The following BMP2K variants were observed in gnomAD, a reference collection of about 807,000 sequenced individuals.
The protein encoded by BMP2K is BMP-2-inducible protein kinase.
Under a neutral mutation model 116.0 loss-of-function variants are expected in BMP2K, and 74 were observed. The observed-to-expected ratio is 0.64, with a 90% CI of 0.53 to 0.77. The LOEUF is 0.77. BMP2K is among the 30% of genes least tolerant of loss of function. The pLI is 0.00. For synonymous variants in BMP2K, 486 were observed against 502.5 expected, an observed-to-expected ratio of 0.97 and a Z score of 0.44; for missense variants, 1,365 against 1,403.6, an observed-to-expected ratio of 0.97 and a Z score of 0.44.
chr4:78,795,269 A>G (rs1728196722), intron 1 of BMP2K, among the ~76,000 whole-genome samples: 2 of 152,204 alleles, frequency 1.3e-5, no homozygotes, highest in African/African-American at 4.8e-5. Flanking sequence ...TTTCACAGAC[A>G]CTTATTAAAA....
chr4:78,842,553 T>C, intron 4 of BMP2K, 26 bp downstream of exon 4: 1 of 1,529,750 alleles, frequency 6.5e-7, no homozygotes, highest in Non-Finnish European at 8.9e-7. Flanking sequence ...TTCCTATGGA[T>C]TAAGTAATAA....
intron 3 of BMP2K, among the ~76,000 whole-genome samples, chr4:78,837,093 C>T (rs560682375): frequency 3.8e-4 from 58 of 151,778 alleles, no homozygotes; most frequent in Non-Finnish European, 7.5e-4. Flanking sequence ...TCTTATTTTC[C>T]TTTTCTTTAT....
rs375227887 is a variant in BMP2K, at chr4:78,813,470, G to A, written c.179-12567G>A. ...AAAGCCAGTGACATTACCCTCATCC[G>A]TAATAAGACTTTGCATGATCTGGCT... is the stretch of plus-strand genomic sequence containing the variant. On this transcript the variant is annotated intron_variant, in intron 1 of 15. Transcript: ENST00000502613. Among the ~76,000 whole-genome samples, 352 of 152,202 alleles carry A rather than the reference G, an allele frequency of 2.3e-3. 13 individuals are homozygous for A. In the South Asian group the frequency reaches 0.06, roughly 26 times the overall value.
intron 1 of BMP2K, among the ~76,000 whole-genome samples, chr4:78,801,384 C>A (rs969579227): frequency 4.4e-5 from 6 of 137,702 alleles, no homozygotes; most frequent in Non-Finnish European, 8.0e-5. Context: ...GTGTGTGTGT[C>A]ATAAGTAACA....
At chr4:78,863,380 G>T (rs1342800965) in intron 9 of BMP2K, among the ~76,000 whole-genome samples, 1 of 152,006 alleles carries the variant, frequency 6.6e-6, no homozygotes, top group Non-Finnish European at 1.5e-5. Context: ...AGCGCCTGTG[G>T]GTTTCTCAGC....
chr4:78,857,546 A>G (rs2110041245), intron 7 of BMP2K, among the ~76,000 whole-genome samples: 1 of 152,284 alleles, frequency 6.6e-6, no homozygotes, highest in South Asian at 2.1e-4. Flanking sequence ...CTGAACTATC[A>G]TTTAATTCCT....
intron 1 of BMP2K, among the ~76,000 whole-genome samples, chr4:78,825,062 G>C (rs546846839): frequency 3.9e-5 from 6 of 152,252 alleles, no homozygotes; most frequent in African/African-American, 1.4e-4. Context: ...AAATTAGCCA[G>C]GTGTGGTGGC....
intron 10 of BMP2K, among the ~76,000 whole-genome samples, chr4:78,870,483 T>C (rs1420407804): frequency 6.6e-6 from 1 of 152,220 alleles, no homozygotes; most frequent in Non-Finnish European, 1.5e-5. Context: ...TAGTACATGA[T>C]ATTGTTGAGC....
intron 3 of BMP2K, among the ~76,000 whole-genome samples, chr4:78,837,271 A>C (rs917496815): frequency 1.3e-5 from 2 of 151,884 alleles, no homozygotes; most frequent in African/African-American, 2.4e-5. Context: ...GCTTACTGCA[A>C]CCTCTGCCTT....
At position 78,882,684 on chromosome 4, in the gene BMP2K, A is replaced by T. The variant is rs192962042; in HGVS notation, c.1951+3793A>T. Among the ~76,000 whole-genome samples the T allele has an allele frequency of 2.0e-5, 3 of 152,074 alleles. No individual in the cohort carries two copies. The East Asian group carries it at 5.8e-4, about 29-fold the overall frequency. On this transcript the variant is annotated intron_variant, in intron 14 of 15. Transcript: ENST00000502613. ...CGTTAATTAAAACTATTACTTCATG[A>T]AATATATTTCATTTATTGATGGTGG...
intron 1 of BMP2K, among the ~76,000 whole-genome samples, chr4:78,792,733 A>G (rs1393249581): frequency 6.6e-6 from 1 of 152,190 alleles, no homozygotes; most frequent in Non-Finnish European, 1.5e-5. Context: ...GATCTTACAC[A>G]AAGTACAAGA....
At chr4:78,847,511 A>C (rs1054692535) in intron 6 of BMP2K, among the ~76,000 whole-genome samples, 2 of 151,138 alleles carry the variant, frequency 1.3e-5, no homozygotes, top group Admixed American at 1.3e-4. Flanking sequence ...CTTTTTAACT[A>C]CAGTATTTTT....
chr4:78,896,274 C>T (rs1283391851), intron 15 of BMP2K, among the ~76,000 whole-genome samples: 1 of 151,990 alleles, frequency 6.6e-6, no homozygotes, highest in East Asian at 1.9e-4. Flanking sequence ...TATACAAATG[C>T]CTATACTATG....
At chr4:78,786,318 C>T (rs1277623948) in intron 1 of BMP2K, among the ~76,000 whole-genome samples, 1 of 152,158 alleles carries the variant, frequency 6.6e-6, no homozygotes, top group African/African-American at 2.4e-5. Context: ...AACAAGCCCT[C>T]TCCAGGCACT....
In BMP2K at chr4:78,911,193, A is replaced by T; in HGVS notation, c.2646A>T (p.Gln882His). Reference protein sequence around the residue: ...QQEKNEKNLPQHRFPAAGLEQ... With the variant: ...QQEKNEKNLPHHRFPAAGLEQ... ...AAAAGAATGAAAAGAACCTCCCTCA[A>T]CACAGGTTTCCTGCTGCAGGACTGG... The change falls in exon 16 of 16, where the codon CAA becomes CAT. Residue 882 changes from glutamine to histidine, a missense_variant. By Grantham distance (24) the Gln-to-His change is conservative. Coordinates refer to ENST00000502613, the MANE Select transcript of BMP2K (RefSeq NM_198892.2). The T allele has an allele frequency of 6.2e-7, 1 of 1,613,820 alleles. No homozygotes were observed. The highest frequency in any genetic ancestry group is 8.5e-7 in the Non-Finnish European group (1 of 1,179,814).
At chr4:78,791,164 C>T (rs921896621) in intron 1 of BMP2K, among the ~76,000 whole-genome samples, 4 of 152,138 alleles carry the variant, frequency 2.6e-5, no homozygotes, top group African/African-American at 9.7e-5. Context: ...CTTTTGTGAT[C>T]TTTCCTACTC....
At chr4:78,889,512 A>G (rs1263471762) in intron 15 of BMP2K, among the ~76,000 whole-genome samples, 2 of 152,200 alleles carry the variant, frequency 1.3e-5, no homozygotes, top group Non-Finnish European at 2.9e-5. Context: ...TTTGTCATGT[A>G]TAATTTTTAG....
chr4:78,817,779 A>AG (rs1483332022), intron 1 of BMP2K, among the ~76,000 whole-genome samples: 26 of 152,192 alleles, frequency 1.7e-4, no homozygotes, highest in African/African-American at 6.3e-4. Context: ...TAATCTGTCT[A>AG]ACCTCTAGTT....
rs1222463179 is a variant in BMP2K, at chr4:78,910,738, G to C, written c.2191G>C (p.Gly731Arg). Residue 731 changes from glycine to arginine, a missense_variant, in exon 16 of 16, where the codon GGT becomes CGT. This residue lies in a region of BMP2K where 596 missense variants were observed against 623.2 expected (regional missense o/e 0.96). Transcript: ENST00000502613. ...QRTGKKTSVQGQVQKGNDESE... is the reference protein window; with the variant it reads ...QRTGKKTSVQRQVQKGNDESE... ...GACTGGAAAGAAAACCTCAGTACAG[G>C]GTCAAGTGCAAAAGGGGAATGATGA... 2 of 1,613,820 alleles carry C rather than the reference G, an allele frequency of 1.2e-6. No homozygotes were observed. The highest frequency in any genetic ancestry group is 1.7e-6 in the Non-Finnish European group (2 of 1,179,848).
Sources: gnomAD v4.1 joint callset for allele counts (sites outside exome capture counted in the v4.1 genomes callset) on GRCh38, gnomAD v4.1.1 for gene constraint, gnomAD v4.1.1 regional missense constraint, MANE v1.5 for transcripts, NCBI Gene and HGNC (gene_info 2026-07-23, HGNC 2026-07-21) for gene names.